Variants in ALG5 observed in about 807,000 individuals in gnomAD.
The protein encoded by ALG5 is dolichyl-phosphate beta-glucosyltransferase.
In ALG5, 26 loss-of-function variants were observed where a neutral mutation model predicts 51.8. That is an observed-to-expected ratio of 0.50 (90% CI 0.37 to 0.70). The LOEUF (loss-of-function observed/expected upper bound fraction) is 0.70, where lower values mean the gene tolerates loss of function less well. ALG5 is among the 30% of genes least tolerant of loss of function. The pLI is 0.00. For missense variants in ALG5, 311 were observed against 399.3 expected, an observed-to-expected ratio of 0.78 and a Z score of 1.88; for synonymous variants, 141 against 136.1, an observed-to-expected ratio of 1.04 and a Z score of -0.25.
chr13:36,955,580 C>A (rs1431952935), intron 8 of ALG5, among the ~76,000 whole-genome samples: 1 of 147,284 alleles, frequency 6.8e-6, no homozygotes, highest in Non-Finnish European at 1.5e-5. Context: ...TTGAGGAAAT[C>A]TCAAAAGATC....
At chr13:36,972,394 AAAG>A (rs1164463164) in intron 6 of ALG5, among the ~76,000 whole-genome samples, 2 of 152,212 alleles carry the variant, frequency 1.3e-5, no homozygotes, top group African/African-American at 4.8e-5. Context: ...CTTGAAAATC[AAAG>A]AATAGCAACT....
chr13:36,970,639 G>A (rs548917009), intron 7 of ALG5, among the ~76,000 whole-genome samples: 9 of 151,892 alleles, frequency 5.9e-5, no homozygotes, highest in African/African-American at 1.2e-4. Flanking sequence ...AAGGCCGGGC[G>A]TGGTGGCTCA....
At chr13:36,962,047 CAAAGTG>C (rs1223289904) in intron 8 of ALG5, among the ~76,000 whole-genome samples, 1 of 152,176 alleles carries the variant, frequency 6.6e-6, no homozygotes, top group Non-Finnish European at 1.5e-5. Flanking sequence ...TTCGGCCTCC[CAAAGTG>C]CTGGGATTAC....
chr13:36,964,685 C>T (rs1017599085), intron 8 of ALG5, among the ~76,000 whole-genome samples: 11 of 151,982 alleles, frequency 7.2e-5, no homozygotes, highest in African/African-American at 2.2e-4. Context: ...CGTCTGTAAT[C>T]GCAGCACTTT....
At chr13:36,958,597 G>A (rs894304028) in intron 8 of ALG5, among the ~76,000 whole-genome samples, 2 of 152,124 alleles carry the variant, frequency 1.3e-5, no homozygotes, top group Non-Finnish European at 2.9e-5. Flanking sequence ...AGCAGGAAGC[G>A]GTTAGAGCGG....
intron 8 of ALG5, among the ~76,000 whole-genome samples, chr13:36,953,526 G>A (rs996183631): frequency 1.3e-5 from 2 of 152,156 alleles, no homozygotes; most frequent in Non-Finnish European, 1.5e-5. Flanking sequence ...ACTGTCTAAA[G>A]TCCTTGACTG....
At position 36,949,842 on chromosome 13, in the gene ALG5, A is replaced by G; in HGVS notation, c.*100T>C. 3 of 603,416 alleles carry G rather than the reference A, an allele frequency of 5.0e-6. No individual in the cohort carries two copies. The highest frequency in any genetic ancestry group is 1.9e-5 in the African/African-American group (1 of 52,842). The allele number at this position is 603,416 out of a possible 1,614,324, so 37.4% of individuals were successfully genotyped here. ...CTTTAAAATTATCAAAAGGCAGACA[A>G]TGACAAGAAGTTTATTTCAGCTTTA... On this transcript the variant is annotated 3_prime_UTR_variant, in exon 10 of 10. Coordinates refer to ENST00000239891, the MANE Select transcript of ALG5 (RefSeq NM_013338.5).
intron 6 of ALG5, among the ~76,000 whole-genome samples, chr13:36,984,516 C>T (rs187271498): frequency 1.9e-5 from 2 of 106,892 alleles, no homozygotes; most frequent in Admixed American, 1.1e-4. Flanking sequence ...GTAATTTTGT[C>T]CTTTTCCTTG....
intron 8 of ALG5, among the ~76,000 whole-genome samples, chr13:36,960,055 A>G (rs1411177916): frequency 2.6e-5 from 4 of 152,308 alleles, no homozygotes; most frequent in Middle Eastern, 6.8e-3. Flanking sequence ...AGCAAACAAA[A>G]ACCCCAAACA....
At chr13:36,996,696 T>G (rs1474889367) in intron 1 of ALG5, among the ~76,000 whole-genome samples, 1 of 152,210 alleles carries the variant, frequency 6.6e-6, no homozygotes, top group Non-Finnish European at 1.5e-5. Context: ...AAATTTGCCT[T>G]TTGCGTTTTA....
At chr13:36,989,695 G>T in intron 4 of ALG5, 119 bp from the exon 5 acceptor site, 1 of 721,338 alleles carries the variant, frequency 1.4e-6, no homozygotes, top group Non-Finnish European at 2.3e-6. Flanking sequence ...TTGTGACTAG[G>T]TTACACCCAC....
intron 7 of ALG5, among the ~76,000 whole-genome samples, chr13:36,967,219 A>G (rs1272639459): frequency 1.3e-5 from 2 of 148,324 alleles, no homozygotes; most frequent in East Asian, 2.0e-4. Context: ...TGAGACTCCA[A>G]CTCAAAAAAA....
intron 8 of ALG5, among the ~76,000 whole-genome samples, chr13:36,956,802 GAAAGA>G (rs2058841857): frequency 7.2e-5 from 11 of 151,908 alleles, no homozygotes; most frequent in Admixed American, 7.2e-4. Flanking sequence ...CATCAGAAAG[GAAAGA>G]AAAGAGAAAT....
chr13:36,990,570 T>C (rs141893198), intron 4 of ALG5, among the ~76,000 whole-genome samples: 149 of 149,588 alleles, frequency 1.0e-3, no homozygotes, highest in Middle Eastern at 6.8e-3. Context: ...AGTCACTGCA[T>C]GGGCTTAATT....
intron 6 of ALG5, among the ~76,000 whole-genome samples, chr13:36,983,425 C>A (rs971757688): frequency 1.3e-5 from 2 of 151,960 alleles, no homozygotes; most frequent in Non-Finnish European, 2.9e-5. Context: ...ATGTTATAAG[C>A]CAGAGAACTT....
At chr13:36,964,796 C>T (rs2138790529) in intron 8 of ALG5, among the ~76,000 whole-genome samples, 1 of 151,842 alleles carries the variant, frequency 6.6e-6, no homozygotes, top group East Asian at 1.9e-4. Context: ...GTGGTAGCGC[C>T]CACCTGTAAT....
At chr13:36,964,208 G>T (rs751305839) in intron 8 of ALG5, among the ~76,000 whole-genome samples, 1 of 152,130 alleles carries the variant, frequency 6.6e-6, no homozygotes, top group South Asian at 2.1e-4. Context: ...GAGAAGGGGC[G>T]TGGTTAGAAA....
chr13:36,978,389 G>A (rs1279847651), intron 6 of ALG5, among the ~76,000 whole-genome samples: 1 of 151,786 alleles, frequency 6.6e-6, no homozygotes, highest in African/African-American at 2.4e-5. Flanking sequence ...GTTCTGCCAC[G>A]TTGGCCAGGC....
chr13:36,964,881 T>A (rs1048396748), intron 8 of ALG5, among the ~76,000 whole-genome samples: 2 of 147,952 alleles, frequency 1.4e-5, no homozygotes, highest in African/African-American at 5.0e-5. Context: ...GCTGAAATCC[T>A]GCCATTGTAC....
Sources: allele counts gnomAD v4.1 joint callset (sites outside exome capture counted in the v4.1 genomes callset), GRCh38; gene constraint gnomAD v4.1.1; transcripts MANE v1.5; gene names NCBI Gene and HGNC (gene_info 2026-07-23, HGNC 2026-07-21).